The following MAGI2 variants were observed in gnomAD, a reference collection of about 807,000 sequenced individuals.
The protein encoded by MAGI2 is membrane-associated guanylate kinase, WW and PDZ domain-containing protein 2.
In MAGI2, 35 loss-of-function variants were observed where a neutral mutation model predicts 133.3. The ratio of observed to expected loss-of-function variants is 0.26; its 90% CI spans 0.20 to 0.35. The LOEUF (loss-of-function observed/expected upper bound fraction) is 0.35. Among genes scored for constraint, MAGI2 ranks in the 10% least tolerant of loss-of-function variants. The pLI is 1.00. For synonymous variants in MAGI2, 729 were observed against 710.6 expected (o/e 1.03, Z -0.41); for missense variants, 1,636 against 1,863.4 (o/e 0.88, Z 2.25).
chr7:78,957,305 A>T (rs910962136), intron 2 of MAGI2, among the ~76,000 whole-genome samples: 1 of 151,096 alleles, frequency 6.6e-6, no homozygotes, highest in Non-Finnish European at 1.5e-5. Context: ...AGAAAAAAAA[A>T]TTTAGGAACC....
At chr7:79,395,251 T>C (rs978601628) in intron 1 of MAGI2, among the ~76,000 whole-genome samples, 3 of 152,206 alleles carry the variant, frequency 2.0e-5, no homozygotes, top group Non-Finnish European at 4.4e-5. Flanking sequence ...ATAACATTGC[T>C]GTTAAACAGA....
intron 2 of MAGI2, among the ~76,000 whole-genome samples, chr7:79,001,117 A>G (rs1032857822): frequency 3.9e-5 from 6 of 152,118 alleles, no homozygotes; most frequent in African/African-American, 1.2e-4. Flanking sequence ...GGGTTTCACC[A>G]TGTTGGCCAG....
At chr7:78,622,166 ACATTAGCAGTCT>A (rs1157470695) in intron 3 of MAGI2, among the ~76,000 whole-genome samples, 2 of 152,066 alleles carry the variant, frequency 1.3e-5, no homozygotes, top group Non-Finnish European at 2.9e-5. Flanking sequence ...ACCTCCAGTT[ACATTAGCAGTCT>A]TGCTGCTCTG....
intron 21 of MAGI2, among the ~76,000 whole-genome samples, chr7:78,034,120 T>C (rs557528615): frequency 6.6e-6 from 1 of 152,328 alleles, no homozygotes; most frequent in South Asian, 2.1e-4. Flanking sequence ...TCTACTAATT[T>C]TGTGGCTAAT....
chr7:78,725,161 G>T (rs997044112), intron 2 of MAGI2, among the ~76,000 whole-genome samples: 1 of 152,152 alleles, frequency 6.6e-6, no homozygotes, highest in African/African-American at 2.4e-5. Flanking sequence ...AAATAAGGCA[G>T]CTGGTTAACA....
At chr7:79,057,515 A>T (rs1813259604) in intron 1 of MAGI2, among the ~76,000 whole-genome samples, 1 of 152,226 alleles carries the variant, frequency 6.6e-6, no homozygotes, top group Admixed American at 6.5e-5. Context: ...TACAAGAGAA[A>T]AGTAATTCAA....
chr7:78,184,997 T>G (rs1465940824), intron 13 of MAGI2, among the ~76,000 whole-genome samples: 1 of 152,206 alleles, frequency 6.6e-6, no homozygotes, highest in African/African-American at 2.4e-5. Flanking sequence ...TCTTGAGACC[T>G]TCTAGCTTCT....
chr7:78,443,403 A>G (rs945318901), intron 6 of MAGI2, among the ~76,000 whole-genome samples: 1 of 152,120 alleles, frequency 6.6e-6, no homozygotes, highest in African/African-American at 2.4e-5. Context: ...ACACTTGGTC[A>G]TCCTTTCTTC....
In MAGI2 at chr7:78,737,983, T is replaced by G. The variant is rs1306318060; in HGVS notation, c.419-110744A>C. Among the ~76,000 whole-genome samples the G allele has an allele frequency of 2.0e-5, 3 of 152,230 alleles. No individual in the cohort carries two copies. In the East Asian group the frequency reaches 5.8e-4, roughly 29 times the overall value. Reference sequence around the variant, plus strand: ...AAAGGCCATGCCTTTCCCACTTAACTGCAATACATTTCATTACAAATAAAT... The same window carrying G: ...AAAGGCCATGCCTTTCCCACTTAACGGCAATACATTTCATTACAAATAAAT... On this transcript the variant is annotated intron_variant, in intron 2 of 21. Transcript: ENST00000354212.
intron 1 of MAGI2, among the ~76,000 whole-genome samples, chr7:79,303,838 T>C (rs1196128397): frequency 6.6e-6 from 1 of 152,196 alleles, no homozygotes; most frequent in African/African-American, 2.4e-5. Context: ...TTAGCTTGTC[T>C]TGCGTTTCAT....
At chr7:78,685,061 G>T (rs141855224) in intron 2 of MAGI2, among the ~76,000 whole-genome samples, 1 of 152,178 alleles carries the variant, frequency 6.6e-6, no homozygotes, top group African/African-American at 2.4e-5. Flanking sequence ...TATTTTATTT[G>T]TGGGCTGGAT....
chr7:79,025,364 G>A (rs930635983), intron 1 of MAGI2, among the ~76,000 whole-genome samples: 2 of 152,118 alleles, frequency 1.3e-5, no homozygotes, highest in African/African-American at 4.8e-5. Context: ...TAGAGGTTGG[G>A]AAAAGGATGA....
chr7:78,456,377 C>G (rs1789322951), intron 6 of MAGI2, among the ~76,000 whole-genome samples: 1 of 152,108 alleles, frequency 6.6e-6, no homozygotes, highest in Non-Finnish European at 1.5e-5. Flanking sequence ...ATGTAAGAAT[C>G]CTTCATTCTC....
intron 10 of MAGI2, among the ~76,000 whole-genome samples, chr7:78,214,978 G>T (rs1788124416): frequency 6.6e-6 from 1 of 152,172 alleles, no homozygotes; most frequent in African/African-American, 2.4e-5. Flanking sequence ...GTCACAGCTT[G>T]CATCACAGTC....
chr7:78,598,495 A>G (rs557968181), intron 3 of MAGI2, among the ~76,000 whole-genome samples: 2 of 152,060 alleles, frequency 1.3e-5, no homozygotes, highest in Middle Eastern at 3.2e-3. Context: ...AAGAAGTGAC[A>G]CTACAGAGAC....
At chr7:78,196,662 C>T (rs1477040759) in intron 11 of MAGI2, among the ~76,000 whole-genome samples, 1 of 152,142 alleles carries the variant, frequency 6.6e-6, no homozygotes, top group Non-Finnish European at 1.5e-5. Context: ...ACACCAGAGA[C>T]ACCAGGGGCC....
intron 6 of MAGI2, among the ~76,000 whole-genome samples, chr7:78,455,337 G>A (rs1420091463): frequency 6.6e-6 from 1 of 152,014 alleles, no homozygotes; most frequent in Non-Finnish European, 1.5e-5. Flanking sequence ...TTCTCATTGG[G>A]TAATTAAGAA....
chr7:79,132,828 T>C (rs1821054180), intron 1 of MAGI2, among the ~76,000 whole-genome samples: 1 of 152,216 alleles, frequency 6.6e-6, no homozygotes, highest in Non-Finnish European at 1.5e-5. Flanking sequence ...TTTTAACTTT[T>C]TAATAATGGC....
At chr7:78,285,197 T>G (rs1359590219) in intron 9 of MAGI2, among the ~76,000 whole-genome samples, 2 of 152,006 alleles carry the variant, frequency 1.3e-5, no homozygotes, top group African/African-American at 4.8e-5. Context: ...ACCTCCCACA[T>G]GAGAAAGTGT....
Sources: allele counts gnomAD v4.1 joint callset (sites outside exome capture counted in the v4.1 genomes callset), GRCh38; gene constraint gnomAD v4.1.1; transcripts MANE v1.5; gene names NCBI Gene and HGNC (gene_info 2026-07-23, HGNC 2026-07-21).